ZDHHC1: variants seen among roughly 807,000 people sequenced by gnomAD.
ZDHHC1 encodes the protein palmitoyltransferase ZDHHC1.
In ZDHHC1, 45 loss-of-function variants were observed where a neutral mutation model predicts 46.9. The observed-to-expected ratio is 0.96, with a 90% CI of 0.76 to 1.23. The LOEUF (loss-of-function observed/expected upper bound fraction) is 1.23, where lower values mean the gene tolerates loss of function less well. Ranked by LOEUF, ZDHHC1 falls within the 50% of genes most tolerant of loss-of-function variation. The probability of loss-of-function intolerance (pLI) is 0.00; values close to 1 mark genes in which losing one functional copy is unlikely to be tolerated. For synonymous variants in ZDHHC1, 291 were observed against 286.0 expected (o/e 1.02, Z -0.18); for missense variants, 649 against 670.8 (o/e 0.97, Z 0.36).
intron 2 of ZDHHC1, among the ~76,000 whole-genome samples, chr16:67,407,344 C>T (rs1567521457): frequency 1.3e-5 from 2 of 152,250 alleles, no homozygotes; most frequent in African/African-American, 4.8e-5. Flanking sequence ...ACCTGGGAGA[C>T]AGGCCAGCTC....
chr16:67,400,886 G>A (rs2040538075), intron 4 of ZDHHC1, 71 bp downstream of exon 4: 1 of 1,547,298 alleles, frequency 6.5e-7, no homozygotes, highest in African/African-American at 1.4e-5. Context: ...TGTCTGTGAA[G>A]CCCTGGCACC....
intron 3 of ZDHHC1, among the ~76,000 whole-genome samples, chr16:67,403,865 C>A (rs1236498689): frequency 6.6e-6 from 1 of 152,180 alleles, no homozygotes; most frequent in African/African-American, 2.4e-5. Context: ...CCATCCGCGT[C>A]GGTCTCCCAA....
At chr16:67,402,261 A>G (rs192583060) in intron 3 of ZDHHC1, among the ~76,000 whole-genome samples, 3 of 152,220 alleles carry the variant, frequency 2.0e-5, no homozygotes, top group Non-Finnish European at 4.4e-5. Context: ...TATGCTTCAC[A>G]TGGTCTCAGA....
chr16:67,402,689 C>T (rs1190860576), intron 3 of ZDHHC1, among the ~76,000 whole-genome samples: 1 of 151,668 alleles, frequency 6.6e-6, no homozygotes, highest in African/African-American at 2.4e-5. Context: ...TGCAATGGCA[C>T]GATCTTGGCT....
At chr16:67,398,108 C>T in intron 8 of ZDHHC1, 104 bp downstream of exon 8, 1 of 1,139,688 alleles carries the variant, frequency 8.8e-7, no homozygotes, top group South Asian at 1.4e-5. Flanking sequence ...CCCCCAGCGG[C>T]TGTTCCAGGC....
At chr16:67,400,559 G>A (rs2040532220) in intron 4 of ZDHHC1, among the ~76,000 whole-genome samples, 1 of 152,158 alleles carries the variant, frequency 6.6e-6, no homozygotes, top group African/African-American at 2.4e-5. Context: ...CTAAGCGCTG[G>A]GCTCTTCCTC....
intron 3 of ZDHHC1, chr16:67,404,424 C>T: frequency 3.6e-6 from 1 of 277,304 alleles, no homozygotes; most frequent in South Asian, 3.7e-5. Context: ...GTTCCAGGCC[C>T]AAGGTGGGTA....
rs1299505679 is a variant in ZDHHC1 at position 67,406,671 on chromosome 16, G to A, written c.10-229C>T. On this transcript the variant is annotated intron_variant, in intron 2 of 11. Coordinates refer to ENST00000565726, the MANE Select transcript of ZDHHC1 (RefSeq NM_001323627.2). The surrounding 1 kb of genome is among the most constrained non-coding windows in gnomAD (Gnocchi z 4.1). ...CTGGCCCTAGACTGGCCAGGACAAG[G>A]TAGGAGGGCCCAGGATTTATTCAGG... Among the ~76,000 whole-genome samples, 1 of 152,174 alleles carries A rather than the reference G, an allele frequency of 6.6e-6. No individual in the cohort carries two copies.
intron 3 of ZDHHC1, among the ~76,000 whole-genome samples, chr16:67,402,978 C>G (rs914165218): frequency 6.6e-6 from 1 of 152,172 alleles, no homozygotes; most frequent in African/African-American, 2.4e-5. Flanking sequence ...GAAGAAAGTT[C>G]GTGGGACTAT....
chr16:67,413,476 A>G (rs2040783108), intron 1 of ZDHHC1, among the ~76,000 whole-genome samples: 1 of 152,188 alleles, frequency 6.6e-6, no homozygotes, highest in Admixed American at 6.5e-5. Flanking sequence ...GGTGCCAGAG[A>G]AGTCTCTGGC....
intron 1 of ZDHHC1, among the ~76,000 whole-genome samples, chr16:67,408,868 T>C (rs996523572): frequency 6.6e-6 from 1 of 152,244 alleles, no homozygotes; most frequent in Non-Finnish European, 1.5e-5. Context: ...GGTCAAGCCC[T>C]GTGAATATGA....
At chr16:67,404,729 T>C (rs1475492788) in intron 3 of ZDHHC1, 2 of 455,884 alleles carry the variant, frequency 4.4e-6, no homozygotes, top group Non-Finnish European at 8.8e-6. Context: ...CATTAGGAAA[T>C]GGGGAGAATA....
intron 1 of ZDHHC1, among the ~76,000 whole-genome samples, chr16:67,408,512 G>A (rs969072711): frequency 5.9e-5 from 9 of 151,736 alleles, no homozygotes; most frequent in African/African-American, 2.2e-4. Flanking sequence ...TTTGAAACAG[G>A]GTCTTGCGCT....
At chr16:67,415,640 C>T (rs1164553756) in intron 1 of ZDHHC1, among the ~76,000 whole-genome samples, 1 of 151,744 alleles carries the variant, frequency 6.6e-6, no homozygotes, top group Non-Finnish European at 1.5e-5. Flanking sequence ...GCCTGTAATC[C>T]CAGCTACTCC....
intron 8 of ZDHHC1, among the ~76,000 whole-genome samples, chr16:67,396,890 G>C (rs1008632316): frequency 6.6e-6 from 1 of 152,232 alleles, no homozygotes; most frequent in Non-Finnish European, 1.5e-5. Flanking sequence ...CTCAGAAGCT[G>C]AGGGGCCTGG....
chr16:67,407,340 G>A (rs370377644), intron 2 of ZDHHC1, among the ~76,000 whole-genome samples: 94 of 152,356 alleles, frequency 6.2e-4, no homozygotes, highest in African/African-American at 2.0e-3. Context: ...CCACACCTGG[G>A]AGACAGGCCA....
intron 1 of ZDHHC1, among the ~76,000 whole-genome samples, chr16:67,414,404 C>T (rs1012281437): frequency 6.6e-6 from 1 of 152,188 alleles, no homozygotes; most frequent in Admixed American, 6.5e-5. Flanking sequence ...ACCCCTCACC[C>T]GTGTCTGAAC....
chr16:67,406,265 CA>C lies in ZDHHC1; in HGVS notation c.186del (p.Phe62LeufsTer3). ...QIVAWLLYLF[F>X]AVIGFGILVP... ...ACAAGGATCCCAAAGCCGATCACAG[CA>C]AAGAAGAGGTACAGCAGCCAGGCCA... On this transcript the variant is annotated frameshift_variant, in exon 3 of 12. Transcript: ENST00000565726. LOFTEE classifies it high-confidence loss of function. The surrounding 1 kb of genome is among the most constrained non-coding windows in gnomAD (Gnocchi z 4.1). 2.5e-6 allele frequency: 4 copies of C among 1,612,410 alleles called. No homozygotes were observed. The South Asian group carries it at 3.3e-5, about 13-fold the overall frequency.
In ZDHHC1 at chr16:67,394,628, C is replaced by T. The variant is rs937774775; in HGVS notation, c.1431G>A (p.Arg477=). The change falls in exon 12 of 12, where the codon CGG becomes CGA. Residue 477 remains arginine, a synonymous_variant. Transcript: ENST00000565726. ...GGCCCAGCTAAGCCAGACCAGCCTC[C>T]CGGCCGCCCGGCGCCCTGGGCTCGC... ...SSGEPRAPGG[R]EAGLA is the part of the protein sequence containing the mutation. The T allele has an allele frequency of 8.3e-7, 1 of 1,198,324 alleles. No individual in the cohort carries two copies. Among genetic ancestry groups the T allele is most frequent in the Non-Finnish European group, 1.0e-6 (1 of 967,336 alleles). 74.2% of individuals were successfully genotyped at this position (1,198,324 alleles called of 1,614,324 possible). A position where few individuals can be genotyped will look rare whatever the true frequency, so the allele number is the denominator to read the frequency against.
Sources: allele counts gnomAD v4.1 joint callset (sites outside exome capture counted in the v4.1 genomes callset), GRCh38; gene constraint gnomAD v4.1.1; non-coding constraint Gnocchi (gnomAD v3.1); transcripts MANE v1.5; gene names NCBI Gene and HGNC (gene_info 2026-07-23, HGNC 2026-07-21).